The following XKR6 variants were observed in gnomAD, a reference collection of about 807,000 sequenced individuals.
The protein encoded by XKR6 is XK-related protein 6.
XKR6 carries 22 observed loss-of-function variants against 56.7 expected under a neutral mutation model. The ratio of observed to expected loss-of-function variants is 0.39; its 90% confidence interval spans 0.28 to 0.55. XKR6 has a LOEUF of 0.55. Ranked by LOEUF, XKR6 falls within the 20% of genes least tolerant of loss-of-function variation. The pLI is 0.66. For missense variants in XKR6, 852 were observed against 889.0 expected (o/e 0.96, Z 0.53); for synonymous variants, 524 against 387.8 (o/e 1.35, Z -4.13).
At chr8:10,965,892 C>T (rs2129132200) in intron 1 of XKR6, among the ~76,000 whole-genome samples, 1 of 152,322 alleles carries the variant, frequency 6.6e-6, no homozygotes, top group East Asian at 1.9e-4. Context: ...AGGTGTGGGC[C>T]ACCTGGTCCC....
intron 2 of XKR6, among the ~76,000 whole-genome samples, chr8:10,917,919 G>A (rs1442835465): frequency 6.6e-6 from 1 of 152,220 alleles, no homozygotes; most frequent in African/African-American, 2.4e-5. Context: ...AAGATTCTGT[G>A]CTTTTATGTG....
intron 1 of XKR6, among the ~76,000 whole-genome samples, chr8:10,978,474 G>T (rs2129136463): frequency 6.6e-6 from 1 of 152,222 alleles, no homozygotes; most frequent in South Asian, 2.1e-4. Flanking sequence ...TGGGGGAGGG[G>T]GAAGACGATT....
intron 1 of XKR6, among the ~76,000 whole-genome samples, chr8:10,951,695 C>T (rs1042216723): frequency 1.3e-5 from 2 of 152,176 alleles, no homozygotes; most frequent in African/African-American, 4.8e-5. Context: ...ATCTGGGAGG[C>T]GCTGCCTCTT....
At chr8:11,060,850 T>C (rs150779879) in intron 1 of XKR6, among the ~76,000 whole-genome samples, 4 of 152,354 alleles carry the variant, frequency 2.6e-5, no homozygotes, top group South Asian at 4.1e-4. Context: ...ATTCCAGTGA[T>C]AGCAAGTGTG....
chr8:11,038,210 A>C (rs1052309988), intron 1 of XKR6, among the ~76,000 whole-genome samples: 3 of 152,164 alleles, frequency 2.0e-5, no homozygotes, highest in African/African-American at 7.2e-5. Flanking sequence ...GAAAAATGTT[A>C]CTTGTATCTA....
chr8:11,187,578 C>T (rs1285099281), intron 1 of XKR6, among the ~76,000 whole-genome samples: 1 of 151,972 alleles, frequency 6.6e-6, no homozygotes, highest in Non-Finnish European at 1.5e-5. Context: ...TATTGAGGGC[C>T]AAGATTTTTT....
At chr8:11,073,740 A>C (rs1170049407) in intron 1 of XKR6, among the ~76,000 whole-genome samples, 1 of 152,220 alleles carries the variant, frequency 6.6e-6, no homozygotes, top group Non-Finnish European at 1.5e-5. Context: ...AAGAAGTAGG[A>C]AGCCTTGCCA....
intron 1 of XKR6, among the ~76,000 whole-genome samples, chr8:10,983,642 G>C (rs1002496084): frequency 1.3e-5 from 2 of 150,358 alleles, no homozygotes; most frequent in African/African-American, 5.0e-5. Context: ...AAAAAGAAAA[G>C]CTTACATATT....
chr8:10,900,135 A>G (rs748273636), intron 2 of XKR6, among the ~76,000 whole-genome samples: 2 of 152,068 alleles, frequency 1.3e-5, no homozygotes, highest in Non-Finnish European at 2.9e-5. Context: ...ACTGGCAACG[A>G]CCTCCTTAGG....
intron 1 of XKR6, among the ~76,000 whole-genome samples, chr8:11,093,536 GTC>G (rs1461914683): frequency 6.6e-6 from 1 of 152,136 alleles, no homozygotes; most frequent in African/African-American, 2.4e-5. Flanking sequence ...CACATCCTTA[GTC>G]TCTTAGTTAT....
chr8:11,013,802 C>A (rs1250469491), intron 1 of XKR6, among the ~76,000 whole-genome samples: 1 of 152,236 alleles, frequency 6.6e-6, no homozygotes, highest in Non-Finnish European at 1.5e-5. Flanking sequence ...CAGCAGGGTT[C>A]CTTACACAGA....
intron 1 of XKR6, among the ~76,000 whole-genome samples, chr8:11,147,339 A>C (rs1259110290): frequency 6.6e-6 from 1 of 152,198 alleles, no homozygotes; most frequent in Admixed American, 6.5e-5. Context: ...AAACATGTGC[A>C]TGAAATCTCA....
At chr8:11,074,807 C>G (rs1304720428) in intron 1 of XKR6, among the ~76,000 whole-genome samples, 1 of 152,228 alleles carries the variant, frequency 6.6e-6, no homozygotes, top group Non-Finnish European at 1.5e-5. Context: ...CAAACTGTCG[C>G]TGAATGAAGT....
At chr8:10,975,658 A>G (rs1460215125) in intron 1 of XKR6, among the ~76,000 whole-genome samples, 2 of 152,176 alleles carry the variant, frequency 1.3e-5, no homozygotes, top group Non-Finnish European at 2.9e-5. Flanking sequence ...GAGATTTTCA[A>G]TTAAAGGGGA....
At chr8:11,076,370 G>T (rs906649515) in intron 1 of XKR6, among the ~76,000 whole-genome samples, 1 of 152,148 alleles carries the variant, frequency 6.6e-6, no homozygotes. Flanking sequence ...TAGGATTGTA[G>T]ATTTTATATT....
At chr8:11,193,704 A>C (rs1350050868) in intron 1 of XKR6, among the ~76,000 whole-genome samples, 1 of 151,548 alleles carries the variant, frequency 6.6e-6, no homozygotes, top group Non-Finnish European at 1.5e-5. Flanking sequence ...CACATCTCAA[A>C]CAACAAATTA....
chr8:11,019,884 G>A lies in XKR6; in HGVS notation c.765-95054C>T, dbSNP rs1001008499. Among the ~76,000 whole-genome samples the A allele has an allele frequency of 3.9e-5, 6 of 152,220 alleles. 1 individual carries two copies. Among genetic ancestry groups the A allele is most frequent in the Admixed American group, 3.9e-4 (6 of 15,292 alleles). On this transcript the variant is annotated intron_variant, in intron 1 of 2. Coordinates refer to ENST00000416569, the MANE Select transcript of XKR6 (RefSeq NM_173683.4). Reference sequence around the variant, plus strand: ...CCAGAAAAGAGAAATCCGATCAGAGGTTGTGGTGCTCACTTCCCAGCCGGG... The same window carrying A: ...CCAGAAAAGAGAAATCCGATCAGAGATTGTGGTGCTCACTTCCCAGCCGGG...
intron 1 of XKR6, among the ~76,000 whole-genome samples, chr8:11,063,359 G>A (rs1176183406): frequency 6.6e-6 from 1 of 151,850 alleles, no homozygotes; most frequent in Non-Finnish European, 1.5e-5. Flanking sequence ...TTAGCCAGGT[G>A]TGGTGGTGTG....
chr8:10,907,183 T>C (rs952360053), intron 2 of XKR6, among the ~76,000 whole-genome samples: 1 of 152,208 alleles, frequency 6.6e-6, no homozygotes, highest in African/African-American at 2.4e-5. Flanking sequence ...CGAAGTGATC[T>C]GGTGTAAACA....
Sources: allele counts gnomAD v4.1 joint callset (sites outside exome capture counted in the v4.1 genomes callset), GRCh38; gene constraint gnomAD v4.1.1; transcripts MANE v1.5; gene names NCBI Gene and HGNC (gene_info 2026-07-23, HGNC 2026-07-21).